The following RBFOX1 variants were observed in gnomAD, a reference collection of about 807,000 sequenced individuals.
RBFOX1 encodes RNA binding protein fox-1 homolog 1.
A neutral mutation model predicts 57.7 loss-of-function variants in RBFOX1; 8 were observed. The ratio of observed to expected loss-of-function variants is 0.14; its 90% CI spans 0.08 to 0.25. RBFOX1 has a LOEUF of 0.25. Ranked by LOEUF, RBFOX1 falls within the 10% of genes least tolerant of loss-of-function variation. The probability of loss-of-function intolerance (pLI) is 1.00; values close to 1 mark genes in which losing one functional copy is unlikely to be tolerated. For missense variants in RBFOX1, 611 were observed against 548.5 expected, an observed-to-expected ratio of 1.11 and a Z score of -1.14; for synonymous variants, 326 against 222.4, an observed-to-expected ratio of 1.47 and a Z score of -4.15.
chr16:5,842,233 C>G (rs150817507), intron 3 of RBFOX1, among the ~76,000 whole-genome samples: 2 of 152,042 alleles, frequency 1.3e-5, no homozygotes, highest in Non-Finnish European at 2.9e-5. Flanking sequence ...GAGAGAATGG[C>G]GATGATTTTC....
intron 4 of RBFOX1, among the ~76,000 whole-genome samples, chr16:7,105,616 C>T (rs1326370184): frequency 6.6e-6 from 1 of 152,046 alleles, no homozygotes; most frequent in African/African-American, 2.4e-5. Flanking sequence ...GCAATCTCAT[C>T]CAGGTTGCTG....
At chr16:6,513,495 A>C (rs1487244945) in intron 2 of RBFOX1, among the ~76,000 whole-genome samples, 1 of 152,152 alleles carries the variant, frequency 6.6e-6, no homozygotes, top group Non-Finnish European at 1.5e-5. Context: ...TCACTTTGGG[A>C]GGTCGAGGCA....
At chr16:7,669,720 T>G (rs2070742440) in intron 13 of RBFOX1, among the ~76,000 whole-genome samples, 1 of 152,210 alleles carries the variant, frequency 6.6e-6, no homozygotes, top group South Asian at 2.1e-4. Context: ...ATTTCACTGA[T>G]GTTTAAACTC....
chr16:6,336,963 C>T (rs2083849981), intron 2 of RBFOX1, among the ~76,000 whole-genome samples: 1 of 152,146 alleles, frequency 6.6e-6, no homozygotes. Context: ...TCGAGTTTTT[C>T]TTTGTGATCC....
chr16:5,913,916 C>G (rs533044437), intron 4 of RBFOX1, among the ~76,000 whole-genome samples: 1 of 152,206 alleles, frequency 6.6e-6, no homozygotes. Flanking sequence ...AAGAGGTGGA[C>G]AGGGTATATT....
In RBFOX1 at chr16:7,582,265, A is replaced by G. The variant is rs7201753; in HGVS notation, c.414+2345A>G. On this transcript the variant is annotated intron_variant, in intron 6 of 15. Coordinates refer to ENST00000550418, the MANE Select transcript of RBFOX1 (RefSeq NM_018723.4). ...AGATACACTTAATACCTGTCAATTA[A>G]GAGAACACACCATGCATTTAGTGCA... Among the ~76,000 whole-genome samples the G allele has an allele frequency of 8.3e-3, 1,258 of 152,334 alleles. 20 individuals are homozygous for G. The highest frequency in any genetic ancestry group is 0.029 in the African/African-American group (1,192 of 41,580).
In RBFOX1 at chr16:6,227,227, G is replaced by C. The variant is rs182320549; in HGVS notation, c.-126-89768G>C. On this transcript the variant is annotated intron_variant, in intron 1 of 15. Coordinates refer to ENST00000550418, the MANE Select transcript of RBFOX1 (RefSeq NM_018723.4). Reference sequence around the variant, plus strand: ...CCTCCTCAGAGGTGAGCATGAACCAGAATTCCCTGGAGGCCCTCTTAAAAC... The same window carrying C: ...CCTCCTCAGAGGTGAGCATGAACCACAATTCCCTGGAGGCCCTCTTAAAAC... Among the ~76,000 whole-genome samples the C allele has an allele frequency of 8.9e-4, 135 of 152,280 alleles. 1 individual carries two copies. The highest frequency in any genetic ancestry group is 3.1e-3 in the African/African-American group (130 of 41,546).
intron 3 of RBFOX1, among the ~76,000 whole-genome samples, chr16:6,767,944 T>TAAGAAGAAGAAGAAGAAGAAG (rs1328651970): frequency 1.3e-3 from 109 of 86,620 alleles, no homozygotes; most frequent in African/African-American, 5.2e-3. Flanking sequence ...ATAATAATAA[T>TAAGAAGAAGAAGAAGAAGAAG]AATAAGAAGA....
At position 7,570,700 on chromosome 16, in the gene RBFOX1, C is replaced by G. The variant is rs2092684525; in HGVS notation, c.271-9077C>G. On this transcript the variant is annotated intron_variant, in intron 5 of 15. Coordinates refer to ENST00000550418, the MANE Select transcript of RBFOX1 (RefSeq NM_018723.4). ...GTGGTGATTCCTCAAATACCTGGAA[C>G]CAGAAATACCATTTTACCTGGCAAT... 2.0e-5 allele frequency among the ~76,000 whole-genome samples: 3 copies of G among 152,134 alleles called. 1 individual carries two copies. In the South Asian group the frequency reaches 6.2e-4, roughly 32 times the overall value.
At chr16:6,252,377 C>G (rs1187242151) in intron 1 of RBFOX1, among the ~76,000 whole-genome samples, 1 of 152,096 alleles carries the variant, frequency 6.6e-6, no homozygotes, top group African/African-American at 2.4e-5. Flanking sequence ...AGATAATTAT[C>G]ATGTGCAGAA....
At chr16:7,251,071 CTA>C (rs1301423400) in intron 4 of RBFOX1, among the ~76,000 whole-genome samples, 2 of 152,118 alleles carry the variant, frequency 1.3e-5, no homozygotes, top group African/African-American at 4.8e-5. Flanking sequence ...ATGTCATTAA[CTA>C]TAGTCACCAT....
intron 4 of RBFOX1, among the ~76,000 whole-genome samples, chr16:7,404,028 C>CTTTAATTTTATTTTATTTTA (rs1568664055): frequency 7.7e-6 from 1 of 129,964 alleles, no homozygotes; most frequent in African/African-American, 2.9e-5. Context: ...ATTTCATTTC[C>CTTTAATTTTATTTTATTTTA]TTTTATTTTA....
chr16:6,844,696 A>G lies in RBFOX1; in HGVS notation c.-16+190046A>G, dbSNP rs111466453. Among the ~76,000 whole-genome samples the G allele has an allele frequency of 6.9e-3, 1,045 of 152,302 alleles. 13 individuals are homozygous for G. Among genetic ancestry groups the G allele is most frequent in the African/African-American group, 0.024 (994 of 41,556 alleles). The stretch of plus-strand genomic sequence containing the variant: ...GAATGATTTCTGTTCCTTTGGGTAT[A>G]TAGCCAGTAATTGGATTGTTGGGTC... On this transcript the variant is annotated intron_variant, in intron 3 of 15. Coordinates refer to ENST00000550418, the MANE Select transcript of RBFOX1 (RefSeq NM_018723.4).
chr16:5,983,513 G>GA (rs773652453), intron 4 of RBFOX1, among the ~76,000 whole-genome samples: 96 of 152,276 alleles, frequency 6.3e-4, no homozygotes, highest in Middle Eastern at 3.4e-3. Context: ...GGTAGGCGGG[G>GA]AAAAACCGCA....
chr16:7,229,373 A>C (rs998215319), intron 4 of RBFOX1, among the ~76,000 whole-genome samples: 1 of 152,162 alleles, frequency 6.6e-6, no homozygotes, highest in South Asian at 2.1e-4. Context: ...AAGATAATGA[A>C]GTTTTGGTCC....
intron 1 of RBFOX1, among the ~76,000 whole-genome samples, chr16:5,382,064 A>G (rs2066144252): frequency 6.6e-6 from 1 of 152,212 alleles, no homozygotes; most frequent in Admixed American, 6.5e-5. Context: ...CCCTGGGAGA[A>G]CAAAATCACC....
At chr16:7,344,403 T>C (rs879354208) in intron 4 of RBFOX1, among the ~76,000 whole-genome samples, 2 of 149,980 alleles carry the variant, frequency 1.3e-5, no homozygotes, top group Admixed American at 1.3e-4. Context: ...TAATGCAATA[T>C]ATATTTCAAT....
Position 5,324,616 on chromosome 16 carries a change from G to A in RBFOX1, c.219+84511G>A, listed in dbSNP as rs115507965. 5.8e-3 allele frequency among the ~76,000 whole-genome samples: 886 copies of A among 152,310 alleles called. 6 individuals carry two copies. Among genetic ancestry groups the A allele is most frequent in the African/African-American group, 0.021 (854 of 41,562 alleles). The stretch of plus-strand genomic sequence containing the variant: ...ATGTGGTCCATATATACCATGAAAT[G>A]TTACGCAGCCATACAAAGAACGAAA... On this transcript the variant is annotated intron_variant, in intron 1 of 2. Transcript: ENST00000585867.
intron 1 of RBFOX1, among the ~76,000 whole-genome samples, chr16:6,134,686 T>G (rs2096653606): frequency 6.6e-6 from 1 of 151,410 alleles, no homozygotes. Context: ...TCAGAGTATT[T>G]TTTTTTTTTG....
Sources: allele counts gnomAD v4.1 joint callset (sites outside exome capture counted in the v4.1 genomes callset), GRCh38; gene constraint gnomAD v4.1.1; transcripts MANE v1.5; gene names NCBI Gene and HGNC (gene_info 2026-07-23, HGNC 2026-07-21).